Variants in XG observed in about 807,000 individuals in gnomAD.
XG encodes Xg glycoprotein (Xg blood group).
In XG, 24 loss-of-function variants were observed where a neutral mutation model predicts 25.7. The ratio of observed to expected loss-of-function variants is 0.93; its 90% confidence interval spans 0.68 to 1.31. The LOEUF is 1.31. Ranked by LOEUF, XG falls within the 40% of genes most tolerant of loss-of-function variation. The probability of loss-of-function intolerance (pLI) is 0.00; values close to 1 mark genes in which losing one functional copy is unlikely to be tolerated. For missense variants in XG, 181 were observed against 187.6 expected (o/e 0.96, Z 0.21); for synonymous variants, 77 against 69.2 (o/e 1.11, Z -0.56).
chrX:2,809,841 A>G (rs2087037256), intron 9 of XG, among the ~76,000 whole-genome samples: 1 of 112,122 alleles, frequency 8.9e-6, no homozygotes, highest in Admixed American at 9.4e-5. Flanking sequence ...AAGCCAGGCC[A>G]GGCTTCATCA....
rs1439818182 is a variant in XG at position 2,815,930 on chromosome X, G to C, written c.*1550G>C. 9.0e-6 allele frequency: 1 copy of C among 111,316 alleles called. No individual in the cohort carries two copies. Among genetic ancestry groups the C allele is most frequent in the Non-Finnish European group, 1.9e-5 (1 of 53,038 alleles). The allele number at this position is 111,316 out of a possible 1,213,427, so 9.2% of individuals were successfully genotyped here. On this transcript the variant is annotated 3_prime_UTR_variant, in exon 11 of 11. Transcript: ENST00000644266. Reference sequence around the variant, plus strand: ...AAATAAATGTAAAAGAAAAATAACTGGATTTGATTATTGAATAGTTTTTTT... The same window carrying C: ...AAATAAATGTAAAAGAAAAATAACTCGATTTGATTATTGAATAGTTTTTTT...
intron 1 of XG, among the ~76,000 whole-genome samples, chrX:2,762,459 G>A (rs777313405): frequency 6.6e-6 from 1 of 152,124 alleles, no homozygotes. Flanking sequence ...GCACCAGGGC[G>A]GCCTGCTCAG....
At chrX:2,757,886 C>T (rs1267087958) in intron 1 of XG, among the ~76,000 whole-genome samples, 6 of 146,004 alleles carry the variant, frequency 4.1e-5, no homozygotes, top group Non-Finnish European at 8.9e-5. Context: ...ACAGGAGAAT[C>T]GCTTGAACCC....
At chrX:2,786,770 G>A (rs2086788252) in intron 4 of XG, among the ~76,000 whole-genome samples, 1 of 111,130 alleles carries the variant, frequency 9.0e-6, no homozygotes, top group South Asian at 3.9e-4. Flanking sequence ...GATCCAATAG[G>A]ACTAGTATCC....
intron 9 of XG, among the ~76,000 whole-genome samples, chrX:2,810,121 A>G (rs1435072684): frequency 1.8e-5 from 2 of 111,313 alleles, no homozygotes. Flanking sequence ...GTTCAGTGAC[A>G]ACACTCTTCC....
At chrX:2,771,543 TC>T (rs1462968460) in intron 2 of XG, among the ~76,000 whole-genome samples, 1 of 152,214 alleles carries the variant, frequency 6.6e-6, no homozygotes, top group African/African-American at 2.4e-5. Flanking sequence ...TGATTGAGAT[TC>T]AGGTGTATTC....
At position 2,758,215 on chromosome X, in the gene XG, A is replaced by G. The variant is rs900448970; in HGVS notation, c.61+5880A>G. 3.3e-5 allele frequency among the ~76,000 whole-genome samples: 5 copies of G among 151,866 alleles called. No individual in the cohort carries two copies. In the East Asian group the frequency reaches 7.8e-4, roughly 24 times the overall value. On this transcript the variant is annotated intron_variant, in intron 1 of 10. Coordinates refer to ENST00000644266, the MANE Select transcript of XG (RefSeq NM_001141919.2). The stretch of plus-strand genomic sequence containing the variant: ...ACCACAAATGGGTCATTTCCCTGCC[A>G]TTGTCACCTGGAGCGTGTAGCCATT...
chrX:2,769,631 C>G (rs1184100821), intron 1 of XG, among the ~76,000 whole-genome samples: 1 of 152,144 alleles, frequency 6.6e-6, no homozygotes, highest in Non-Finnish European at 1.5e-5. Context: ...GGAACAAGAT[C>G]AAGGTGTGCA....
chrX:2,802,642 C>T lies in XG; in HGVS notation c.374-4059C>T, dbSNP rs181513549. ...TCTGTTCTTGTGTGGGACGGCAGAG[C>T]TCGCTGAGCCGCATTACCAGTCTGG... On this transcript the variant is annotated intron_variant, in intron 7 of 10. Coordinates refer to ENST00000644266, the MANE Select transcript of XG (RefSeq NM_001141919.2). 3.7e-5 allele frequency among the ~76,000 whole-genome samples: 4 copies of T among 108,756 alleles called. No homozygotes were observed. In the South Asian group the frequency reaches 1.3e-3, roughly 35 times the overall value. 94.4% of individuals were successfully genotyped at this position (108,756 alleles called of 115,157 possible). A position where few individuals can be genotyped will look rare whatever the true frequency, so the allele number is the denominator to read the frequency against.
intron 10 of XG, among the ~76,000 whole-genome samples, chrX:2,813,699 T>C (rs1476143976): frequency 8.9e-6 from 1 of 112,413 alleles, no homozygotes; most frequent in Non-Finnish European, 1.9e-5. Flanking sequence ...ATGTGGACTT[T>C]TAAGAATCAT....
chrX:2,780,425 TAA>T (rs751220927), intron 3 of XG, among the ~76,000 whole-genome samples: 3 of 126,644 alleles, frequency 2.4e-5, no homozygotes, highest in African/African-American at 9.2e-5. Flanking sequence ...TTTTTTTTTC[TAA>T]AAAAAAAAAA....
intron 3 of XG, 82 bp from the exon 4 acceptor site, chrX:2,781,984 G>A (rs2086732943): frequency 2.0e-6 from 2 of 1,000,313 alleles, no homozygotes; most frequent in Non-Finnish European, 2.8e-6. Context: ...CGATAGTCAC[G>A]CTGATGAGCT....
At chrX:2,780,831 A>C (rs937184688) in intron 3 of XG, among the ~76,000 whole-genome samples, 12 of 152,130 alleles carry the variant, frequency 7.9e-5, no homozygotes, top group Non-Finnish European at 1.3e-4. Flanking sequence ...CAGGTGAGAG[A>C]CAAAACAGTT....
chrX:2,775,392 G>T (rs1228066700), intron 3 of XG, among the ~76,000 whole-genome samples: 2 of 152,130 alleles, frequency 1.3e-5, no homozygotes, highest in Non-Finnish European at 2.9e-5. Context: ...ATCACATAAT[G>T]TATATTTTTA....
At chrX:2,755,146 G>A (rs1354198669) in intron 1 of XG, among the ~76,000 whole-genome samples, 1 of 152,130 alleles carries the variant, frequency 6.6e-6, no homozygotes, top group Non-Finnish European at 1.5e-5. Flanking sequence ...ACGCCAAGAC[G>A]GGGTTCTTGG....
chrX:2,782,594 G>A (rs2147060851), intron 4 of XG, among the ~76,000 whole-genome samples: 1 of 111,359 alleles, frequency 9.0e-6, no homozygotes, highest in South Asian at 3.9e-4. Flanking sequence ...GAACCATAGG[G>A]GGTTGAAGTG....
At chrX:2,754,246 T>G (rs2050389303) in intron 1 of XG, among the ~76,000 whole-genome samples, 1 of 152,074 alleles carries the variant, frequency 6.6e-6, no homozygotes, top group African/African-American at 2.4e-5. Flanking sequence ...CTACAGGCAT[T>G]TGCCGCTGTG....
rs779381018 is a variant in XG, at chrX:2,813,788, A to G, written c.572-576A>G. Among the ~76,000 whole-genome samples, 515 of 112,740 alleles carry G rather than the reference A, an allele frequency of 4.6e-3. 5 individuals carry two copies. Among genetic ancestry groups the G allele is most frequent in the African/African-American group, 0.015 (477 of 31,107 alleles). ...ATAAAGACCAACAAGGCCATATTCG[A>G]AAAAAGAAGTTCCTACAAATATTAG... On this transcript the variant is annotated intron_variant, in intron 10 of 10. Transcript: ENST00000644266.
At chrX:2,801,986 C>T (rs113091105) in intron 7 of XG, among the ~76,000 whole-genome samples, 19 of 111,183 alleles carry the variant, frequency 1.7e-4, no homozygotes, top group Admixed American at 6.6e-4. Flanking sequence ...GGATTACAGG[C>T]GTGAGCCACC....
Sources: gnomAD v4.1 joint callset for allele counts (sites outside exome capture counted in the v4.1 genomes callset) on GRCh38, gnomAD v4.1.1 for gene constraint, MANE v1.5 for transcripts, NCBI Gene and HGNC (gene_info 2026-07-23, HGNC 2026-07-21) for gene names.